Variants in PTPRQ observed in about 807,000 individuals in gnomAD.
PTPRQ encodes the protein phosphatidylinositol phosphatase PTPRQ.
In PTPRQ, 199 loss-of-function variants were observed where a neutral mutation model predicts 246.0. The ratio of observed to expected loss-of-function variants is 0.81; its 90% CI spans 0.72 to 0.91. PTPRQ has a LOEUF of 0.91. Ranked by LOEUF, PTPRQ falls within the 40% of genes least tolerant of loss-of-function variation. The pLI is 0.00. For missense variants in PTPRQ, 2,624 were observed against 2,528.4 expected (o/e 1.04, Z -0.81); for synonymous variants, 869 against 853.2 (o/e 1.02, Z -0.32).
intron 17 of PTPRQ, among the ~76,000 whole-genome samples, chr12:80,516,522 T>G (rs1895304582): frequency 6.6e-6 from 1 of 152,192 alleles, no homozygotes; most frequent in South Asian, 2.1e-4. Flanking sequence ...TATGCCCATG[T>G]GAAATAATTG....
intron 26 of PTPRQ, among the ~76,000 whole-genome samples, chr12:80,602,922 A>G (rs1898190903): frequency 6.6e-6 from 1 of 151,728 alleles, no homozygotes; most frequent in Admixed American, 6.6e-5. Flanking sequence ...TATTTGCCTC[A>G]TTCCAAGCTC....
chr12:80,474,031 T>C (rs959493992), intron 8 of PTPRQ, among the ~76,000 whole-genome samples: 2 of 152,226 alleles, frequency 1.3e-5, no homozygotes, highest in Non-Finnish European at 2.9e-5. Flanking sequence ...TTGGGATAGT[T>C]CAGCCACAGG....
At chr12:80,531,103 A>G (rs2120794242) in intron 17 of PTPRQ, among the ~76,000 whole-genome samples, 1 of 152,156 alleles carries the variant, frequency 6.6e-6, no homozygotes, top group Admixed American at 6.5e-5. Flanking sequence ...TACTATTATG[A>G]AAAGATACTT....
intron 8 of PTPRQ, among the ~76,000 whole-genome samples, chr12:80,480,129 C>G (rs1203578666): frequency 6.6e-6 from 1 of 152,136 alleles, no homozygotes; most frequent in Non-Finnish European, 1.5e-5. Context: ...GGAAGTAAAG[C>G]TCTCCTCAGC....
chr12:80,674,384 G>A (rs1030345016), intron 43 of PTPRQ, among the ~76,000 whole-genome samples: 5 of 152,108 alleles, frequency 3.3e-5, no homozygotes, highest in Non-Finnish European at 7.4e-5. Flanking sequence ...TAATTTCACT[G>A]ACAATTACAA....
At chr12:80,634,731 A>G (rs1180847865) in intron 34 of PTPRQ, 1 of 572,272 alleles carries the variant, frequency 1.7e-6, no homozygotes, top group East Asian at 4.8e-5. Context: ...CTTCATCCCA[A>G]TAACTTATTA....
chr12:80,670,226 T>C, intron 41 of PTPRQ, 118 bp from the exon 42 acceptor site: 2 of 1,387,154 alleles, frequency 1.4e-6, no homozygotes, highest in South Asian at 1.4e-5. Flanking sequence ...AACATTTTAT[T>C]TGGTTTGGTA....
In PTPRQ at chr12:80,519,742, C is replaced by T. The variant is rs572318820; in HGVS notation, c.2678+9299C>T. ...TGTATTACAATTAGGTCCTATACAT[C>T]AAATGATTTTTTCAGTACACAAAGT... On this transcript the variant is annotated intron_variant, in intron 17 of 44. Coordinates refer to ENST00000644991, the MANE Select transcript of PTPRQ (RefSeq NM_001145026.2). Among the ~76,000 whole-genome samples the T allele has an allele frequency of 7.2e-4, 110 of 152,264 alleles. 1 individual carries two copies. The highest frequency in any genetic ancestry group is 2.4e-3 in the African/African-American group (98 of 41,560).
chr12:80,463,628 T>C (rs1592535570), intron 6 of PTPRQ, among the ~76,000 whole-genome samples: 1 of 151,976 alleles, frequency 6.6e-6, no homozygotes, highest in Middle Eastern at 3.4e-3. Context: ...AAAGGTCGGG[T>C]TACCCACAAA....
chr12:80,611,265 C>A (rs114936568), intron 28 of PTPRQ, among the ~76,000 whole-genome samples: 1,926 of 150,450 alleles, frequency 0.013, 40 homozygotes, highest in African/African-American at 0.044. Context: ...TTGCCCCATC[C>A]TCCTTCAGAC....
At chr12:80,480,959 G>A (rs1327576307) in intron 8 of PTPRQ, among the ~76,000 whole-genome samples, 6 of 152,106 alleles carry the variant, frequency 3.9e-5, no homozygotes, top group Admixed American at 1.3e-4. Flanking sequence ...GGAGGAACTG[G>A]TACCATTCCT....
intron 35 of PTPRQ, among the ~76,000 whole-genome samples, chr12:80,639,441 G>A (rs1463270827): frequency 6.6e-6 from 1 of 151,616 alleles, no homozygotes; most frequent in Admixed American, 6.6e-5. Context: ...TAATTACCCT[G>A]CCTATTTTAG....
At chr12:80,555,953 A>C (rs1028907189) in intron 25 of PTPRQ, among the ~76,000 whole-genome samples, 3 of 152,174 alleles carry the variant, frequency 2.0e-5, no homozygotes, top group African/African-American at 7.2e-5. Context: ...AAATAACTCC[A>C]TTATTATAAT....
chr12:80,648,925 T>C lies in PTPRQ; in HGVS notation c.5942+2T>C. The C allele has an allele frequency of 6.6e-7, 1 of 1,511,008 alleles. No homozygotes were observed. Among genetic ancestry groups the C allele is most frequent in the East Asian group, 2.6e-5 (1 of 38,098 alleles). 93.6% of individuals were successfully genotyped at this position (1,511,008 alleles called of 1,614,324 possible). ...ACTTAGTTATAGAAAATCCATCAAG[T>C]AAGTTTGTTAAATATTTTCTTTCTT... On this transcript the variant is annotated splice_donor_variant, in intron 36 of 44. Transcript: ENST00000644991. LOFTEE classifies it high-confidence loss of function.
At chr12:80,557,033 A>G (rs946308944) in intron 25 of PTPRQ, among the ~76,000 whole-genome samples, 17 of 152,210 alleles carry the variant, frequency 1.1e-4, no homozygotes, top group Non-Finnish European at 2.1e-4. Flanking sequence ...AGGAAACAAC[A>G]TAAGTAATTC....
At chr12:80,453,160 G>T (rs2078458747) in intron 3 of PTPRQ, among the ~76,000 whole-genome samples, 1 of 151,982 alleles carries the variant, frequency 6.6e-6, no homozygotes. Flanking sequence ...GATCGCATCG[G>T]CTCCTGAGGC....
intron 17 of PTPRQ, among the ~76,000 whole-genome samples, chr12:80,514,826 G>A (rs914245128): frequency 2.7e-5 from 4 of 146,298 alleles, no homozygotes; most frequent in African/African-American, 9.9e-5. Flanking sequence ...TAAGAATAGT[G>A]ATGCTTTTTC....
At chr12:80,482,672 T>G (rs1894112583) in intron 8 of PTPRQ, among the ~76,000 whole-genome samples, 1 of 151,176 alleles carries the variant, frequency 6.6e-6, no homozygotes, top group East Asian at 1.9e-4. Context: ...CTCAAACAAA[T>G]TTACAAGAGA....
Position 80,481,732 on chromosome 12 carries a change from C to T in PTPRQ, c.1187-2701C>T, listed in dbSNP as rs567781676. Among the ~76,000 whole-genome samples the T allele has an allele frequency of 5.6e-4, 85 of 152,060 alleles. No homozygotes were observed. In the East Asian group the frequency reaches 0.01, roughly 18 times the overall value. ...CACAAGCATTCTTATACACCAACAACAGACAAACAGAGAGCCAAATCATGA... is the reference window on the plus strand; with the variant it reads ...CACAAGCATTCTTATACACCAACAATAGACAAACAGAGAGCCAAATCATGA... On this transcript the variant is annotated intron_variant, in intron 8 of 44. Transcript: ENST00000644991.
Sources: allele counts gnomAD v4.1 joint callset (sites outside exome capture counted in the v4.1 genomes callset), GRCh38; gene constraint gnomAD v4.1.1; transcripts MANE v1.5; gene names NCBI Gene and HGNC (gene_info 2026-07-23, HGNC 2026-07-21).